Variants in SH3KBP1 observed in about 807,000 individuals in gnomAD.
SH3KBP1 encodes SH3 domain containing kinase binding protein 1.
A neutral mutation model predicts 50.1 loss-of-function variants in SH3KBP1; 8 were observed. The observed-to-expected ratio is 0.16, with a 90% CI of 0.09 to 0.29. SH3KBP1 has a LOEUF of 0.29. SH3KBP1 is among the 10% of genes least tolerant of loss of function. The pLI is 1.00. For synonymous variants in SH3KBP1, 227 were observed against 218.6 expected, an observed-to-expected ratio of 1.04 and a Z score of -0.34; for missense variants, 377 against 535.2, an observed-to-expected ratio of 0.70 and a Z score of 2.92.
intron 6 of SH3KBP1, among the ~76,000 whole-genome samples, chrX:19,659,830 A>G (rs2062405257): frequency 8.9e-6 from 1 of 112,488 alleles, no homozygotes; most frequent in Non-Finnish European, 1.9e-5. Flanking sequence ...CTAAAACAGC[A>G]TTCACTGTCC....
At chrX:19,795,104 G>A (rs1219028243) in intron 2 of SH3KBP1, among the ~76,000 whole-genome samples, 1 of 110,875 alleles carries the variant, frequency 9.0e-6, no homozygotes, top group Non-Finnish European at 1.9e-5. Flanking sequence ...TACGATATTC[G>A]CTCCCTTTCA....
intron 1 of SH3KBP1, among the ~76,000 whole-genome samples, chrX:19,857,142 GGTGAA>G (rs778692043): frequency 9.3e-6 from 1 of 107,673 alleles, no homozygotes; most frequent in Non-Finnish European, 1.9e-5. Context: ...GGGAGGGCAG[GGTGAA>G]AGCTGGGGTG....
chrX:19,853,878 C>T (rs761920406), intron 1 of SH3KBP1, among the ~76,000 whole-genome samples: 1 of 108,345 alleles, frequency 9.2e-6, no homozygotes, highest in Non-Finnish European at 1.9e-5. Flanking sequence ...AGAAGAATCG[C>T]TTGAATCCGG....
Position 19,535,196 on chromosome X carries a change from C to A in SH3KBP1, c.*1221G>T, listed in dbSNP as rs550519518. ...GTACTACAAAGATAAAGCGGACAGG[C>A]AAACATCAGTTTCCTTGGGAAAGAA... On this transcript the variant is annotated 3_prime_UTR_variant, in exon 18 of 18. Transcript: ENST00000397821. The A allele has an allele frequency of 1.0e-3, 233 of 226,745 alleles. No individual in the cohort carries two copies. The highest frequency in any genetic ancestry group is 1.2e-3 in the Non-Finnish European group (156 of 127,533). 18.7% of individuals were successfully genotyped at this position (226,745 alleles called of 1,213,427 possible).
chrX:19,761,794 A>G (rs2065441826), intron 2 of SH3KBP1, among the ~76,000 whole-genome samples: 1 of 112,794 alleles, frequency 8.9e-6, no homozygotes, highest in Non-Finnish European at 1.9e-5. Context: ...GTGTGTGGGT[A>G]ACCACTCAAA....
chrX:19,675,887 G>A (rs942169337), intron 6 of SH3KBP1, among the ~76,000 whole-genome samples: 3 of 111,589 alleles, frequency 2.7e-5, no homozygotes, highest in Admixed American at 9.5e-5. Flanking sequence ...CACTGTTTCT[G>A]TTTCCCTTTC....
At chrX:19,586,066 G>C (rs1205772926) in intron 12 of SH3KBP1, among the ~76,000 whole-genome samples, 4 of 111,974 alleles carry the variant, frequency 3.6e-5, no homozygotes, top group Non-Finnish European at 7.5e-5. Flanking sequence ...CCTCTCTCAT[G>C]CATCTCCCTT....
chrX:19,680,894 G>A (rs906756993), intron 6 of SH3KBP1, among the ~76,000 whole-genome samples: 3 of 111,912 alleles, frequency 2.7e-5, no homozygotes, highest in Non-Finnish European at 5.6e-5. Flanking sequence ...CATGAGAAAT[G>A]GGTTTAGGGA....
Position 19,705,802 on chromosome X carries a change from C to T in SH3KBP1, c.390+1079G>A, listed in dbSNP as rs767905688. Among the ~76,000 whole-genome samples the T allele has an allele frequency of 1.8e-4, 20 of 111,875 alleles. 1 individual carries two copies. The highest frequency in any genetic ancestry group is 9.2e-3 in the Middle Eastern group (2 of 218). On this transcript the variant is annotated intron_variant, in intron 4 of 17. Coordinates refer to ENST00000397821, the MANE Select transcript of SH3KBP1 (RefSeq NM_031892.3). ...AAATAAATTTTGACGAGCAGAAATG[C>T]AAAGGATTTGTCCCCTAGAAAAGAT...
At chrX:19,839,415 C>T (rs764932673) in intron 1 of SH3KBP1, among the ~76,000 whole-genome samples, 1 of 107,332 alleles carries the variant, frequency 9.3e-6, no homozygotes, top group South Asian at 4.2e-4. Context: ...CAGCTCACTG[C>T]AACCTCTGTC....
At chrX:19,758,282 C>T (rs753534931) in intron 2 of SH3KBP1, among the ~76,000 whole-genome samples, 8 of 98,822 alleles carry the variant, frequency 8.1e-5, no homozygotes, top group Non-Finnish European at 1.2e-4. Context: ...GAACTGATAT[C>T]GCACCACTGA....
rs751265205 is a variant in SH3KBP1, at chrX:19,887,495, TGCTGCTGCC to T, written c.-194_-186del. The T allele has an allele frequency of 5.7e-3, 1,638 of 289,865 alleles. 1 individual carries two copies. The highest frequency in any genetic ancestry group is 7.6e-3 in the Non-Finnish European group (1,338 of 174,908). The allele number at this position is 289,865 out of a possible 1,213,427, so 23.9% of individuals were successfully genotyped here. ...CAGCGCCGCCCGCTGCTGCCTCTGC[TGCTGCTGCC>T]GCTGCTGCCCCGGGGCGACTCCTGC... On this transcript the variant is annotated 5_prime_UTR_variant, in exon 1 of 18. Coordinates refer to ENST00000397821, the MANE Select transcript of SH3KBP1 (RefSeq NM_031892.3).
At chrX:19,765,127 T>C (rs1404621650) in intron 2 of SH3KBP1, among the ~76,000 whole-genome samples, 1 of 108,261 alleles carries the variant, frequency 9.2e-6, no homozygotes, top group African/African-American at 3.4e-5. Flanking sequence ...TGAGCCATCC[T>C]GCCTGGCCAG....
rs753672492 is a variant in SH3KBP1, at chrX:19,670,367, C to T, written c.726+13456G>A. 33 of 751,743 alleles carry T rather than the reference C, an allele frequency of 4.4e-5. No individual in the cohort carries two copies. The Admixed American group carries it at 2.6e-3, about 58-fold the overall frequency. The allele number at this position is 751,743 out of a possible 1,213,427, so 62.0% of individuals were successfully genotyped here. ...ATGTCGGTGACCCTCAAGAGTGAAACGCCCCACAGCTGGCTTGCTCTGCAT... is the reference window on the plus strand; with the variant it reads ...ATGTCGGTGACCCTCAAGAGTGAAATGCCCCACAGCTGGCTTGCTCTGCAT... On this transcript the variant is annotated intron_variant, in intron 6 of 17. Transcript: ENST00000397821.
chrX:19,791,922 G>A (rs2066544524), intron 2 of SH3KBP1, among the ~76,000 whole-genome samples: 1 of 111,638 alleles, frequency 9.0e-6, no homozygotes, highest in Non-Finnish European at 1.9e-5. Context: ...CCGTAATTTT[G>A]AGGGGTAAAG....
chrX:19,830,618 C>T (rs939646954), intron 2 of SH3KBP1, among the ~76,000 whole-genome samples: 1 of 107,858 alleles, frequency 9.3e-6, no homozygotes, highest in Non-Finnish European at 1.9e-5. Context: ...TTTAATTAGC[C>T]AGGTGTGGTG....
Position 19,695,653 on chromosome X carries a change from T to C in SH3KBP1, c.479A>G (p.Asp160Gly). 8.3e-7 allele frequency: 1 copy of C among 1,209,812 alleles called. No homozygotes were observed. The highest frequency in any genetic ancestry group is 1.1e-6 in the Non-Finnish European group (1 of 894,893). The change falls in exon 5 of 18, where the codon GAT becomes GGT. Residue 160 changes from aspartate (D) to glycine (G), a missense_variant. By Grantham distance (94) the Asp-to-Gly change is moderately conservative. Coordinates refer to ENST00000397821, the MANE Select transcript of SH3KBP1 (RefSeq NM_031892.3). Reference protein sequence around the residue: ...NFIKELSGESDELGISQDEQL... With the variant: ...NFIKELSGESGELGISQDEQL... ...CTCATCCTGGGAAATGCCAAGCTCA[T>C]CCGACTCCCCTGACAGCTCCTTGAT...
intron 6 of SH3KBP1, among the ~76,000 whole-genome samples, chrX:19,659,546 G>T (rs1424086215): frequency 8.9e-6 from 1 of 111,843 alleles, no homozygotes; most frequent in African/African-American, 3.3e-5. Context: ...GGGATTACAG[G>T]CATGAGCCGC....
chrX:19,595,549 T>C (rs1296926754), intron 9 of SH3KBP1, among the ~76,000 whole-genome samples: 1 of 111,281 alleles, frequency 9.0e-6, no homozygotes, highest in Non-Finnish European at 1.9e-5. Flanking sequence ...TGTGATAAAC[T>C]GGAACAGAGA....
Sources: gnomAD v4.1 joint callset for allele counts (sites outside exome capture counted in the v4.1 genomes callset) on GRCh38, gnomAD v4.1.1 for gene constraint, MANE v1.5 for transcripts, NCBI Gene and HGNC (gene_info 2026-07-23, HGNC 2026-07-21) for gene names.